Variants in RBL2 observed in about 807,000 individuals in gnomAD.
RBL2 encodes RB transcriptional corepressor like 2.
Under a neutral mutation model 126.0 loss-of-function variants are expected in RBL2, and 56 were observed. The observed-to-expected ratio is 0.44, with a 90% confidence interval of 0.36 to 0.56. The LOEUF (loss-of-function observed/expected upper bound fraction) is 0.56. Ranked by LOEUF, RBL2 falls within the 20% of genes least tolerant of loss-of-function variation. The pLI is 0.00. For missense variants in RBL2, 1,229 were observed against 1,398.2 expected (o/e 0.88, Z 1.93); for synonymous variants, 454 against 478.5 (o/e 0.95, Z 0.67).
At chr16:53,465,739 G>GT in intron 13 of RBL2, 137 bp downstream of exon 13, 1 of 630,412 alleles carries the variant, frequency 1.6e-6, no homozygotes, top group South Asian at 4.5e-5. Context: ...ATCTTGGACT[G>GT]TAACGTCCCT....
chr16:53,435,676 C>G, intron 1 of RBL2: 3 of 1,288,952 alleles, frequency 2.3e-6, no homozygotes, highest in Non-Finnish European at 3.0e-6. Context: ...TTTGATTTCT[C>G]AAGTCGTTTT....
intron 13 of RBL2, among the ~76,000 whole-genome samples, chr16:53,466,291 A>C (rs1157931541): frequency 1.3e-5 from 2 of 152,156 alleles, no homozygotes; most frequent in Non-Finnish European, 1.5e-5. Context: ...GCAGTGGTCC[A>C]ACCTTTTTGG....
At chr16:53,482,236 A>G (rs1191569430) in intron 21 of RBL2, among the ~76,000 whole-genome samples, 2 of 152,186 alleles carry the variant, frequency 1.3e-5, no homozygotes, top group Admixed American at 6.5e-5. Context: ...AGAAGTTGAC[A>G]TTTTTGACAT....
intron 1 of RBL2, among the ~76,000 whole-genome samples, chr16:53,437,508 T>A (rs1199458939): frequency 6.6e-6 from 1 of 152,216 alleles, no homozygotes; most frequent in Admixed American, 6.5e-5. Context: ...TTGTATCACT[T>A]CTTGAGTAAA....
chr16:53,442,086 C>G (rs915761666), intron 2 of RBL2, among the ~76,000 whole-genome samples: 6 of 152,084 alleles, frequency 3.9e-5, no homozygotes, highest in Non-Finnish European at 7.3e-5. Context: ...TCCCAAAGTG[C>G]TGGGATTACA....
intron 2 of RBL2, among the ~76,000 whole-genome samples, chr16:53,441,593 G>A (rs1178551359): frequency 6.6e-6 from 1 of 152,102 alleles, no homozygotes; most frequent in Non-Finnish European, 1.5e-5. Flanking sequence ...TATTGAGTGT[G>A]AAAAAGCAAG....
intron 19 of RBL2, 35 bp from the exon 20 acceptor site, chr16:53,480,532 C>T: frequency 1.9e-6 from 3 of 1,581,086 alleles, no homozygotes; most frequent in East Asian, 2.2e-5. Flanking sequence ...TATTAGCAGC[C>T]TTTGTACTGA....
chr16:53,486,597 A>G (rs1266770745), intron 21 of RBL2, among the ~76,000 whole-genome samples: 1 of 152,244 alleles, frequency 6.6e-6, no homozygotes, highest in Non-Finnish European at 1.5e-5. Context: ...TCCAACATTC[A>G]TTAATGTAAA....
chr16:53,435,663 C>A, intron 1 of RBL2: 1 of 1,288,624 alleles, frequency 7.8e-7, no homozygotes, highest in African/African-American at 1.5e-5. Flanking sequence ...AAACCTGAGG[C>A]CATTTGATTT....
At chr16:53,479,650 T>C in intron 18 of RBL2, 1 of 475,552 alleles carries the variant, frequency 2.1e-6, no homozygotes, top group Non-Finnish European at 3.7e-6. Context: ...GACATTATGG[T>C]TGGGTGCTGT....
chr16:53,480,563 G>T lies in RBL2; in HGVS notation c.2882-4G>T. On this transcript the variant is annotated splice_polypyrimidine_tract_variant and splice_region_variant and intron_variant, in intron 19 of 21. Transcript: ENST00000262133. The stretch of plus-strand genomic sequence containing the variant: ...ACTGACAGCCTTTGTTCTCCTGGCT[G>T]CAGCCAGTAGAGACTCCAGTCCAGT... 1 of 1,608,568 alleles carries T rather than the reference G, an allele frequency of 6.2e-7. No individual in the cohort carries two copies. Among genetic ancestry groups the T allele is most frequent in the Non-Finnish European group, 8.5e-7 (1 of 1,177,522 alleles).
At chr16:53,464,142 G>T in intron 11 of RBL2, 84 bp from the exon 12 acceptor site, 5 of 1,134,588 alleles carry the variant, frequency 4.4e-6, no homozygotes, top group Non-Finnish European at 4.8e-6. Flanking sequence ...GACTTTCTTT[G>T]GTATTTTCAC....
intron 21 of RBL2, among the ~76,000 whole-genome samples, chr16:53,482,702 C>G (rs972707291): frequency 6.6e-6 from 1 of 150,884 alleles, no homozygotes; most frequent in African/African-American, 2.4e-5. Flanking sequence ...CCCAGCTACT[C>G]GGGAGGCTAA....
chr16:53,447,301 T>TTCTCTTAC (rs200773123), intron 4 of RBL2, among the ~76,000 whole-genome samples, 195 bp downstream of exon 4: 181 of 106,618 alleles, frequency 1.7e-3, no homozygotes, highest in Admixed American at 4.4e-3. Context: ...TATCCAAATC[T>TTCTCTTAC]TCTCTTATTA....
intron 3 of RBL2, among the ~76,000 whole-genome samples, chr16:53,444,419 G>A (rs2058043305): frequency 6.6e-6 from 1 of 152,024 alleles, no homozygotes; most frequent in Non-Finnish European, 1.5e-5. Flanking sequence ...GGGGTGTGGT[G>A]GTGGGTGCCT....
intron 12 of RBL2, chr16:53,464,660 A>G (rs1388882277): frequency 8.8e-6 from 2 of 227,194 alleles, no homozygotes; most frequent in African/African-American, 2.3e-5. Context: ...CACACATGTC[A>G]CTAGCTAATC....
chr16:53,490,167 A>C lies in RBL2; in HGVS notation c.3287A>C (p.Glu1096Ala). ...REINSMIRTG[E>A]TPTKKRGILL... ...ATTAATAGTATGATACGCACAGGAG[A>C]AACTCCTACTAAAAAGAGAGGAATT... The change falls in exon 22 of 22, where the codon GAA (glutamate) becomes GCA (alanine). Residue 1096 changes from glutamate (E) to alanine (A), a missense_variant. Transcript: ENST00000262133. The C allele has an allele frequency of 6.2e-7, 1 of 1,611,532 alleles. No homozygotes were observed. Among genetic ancestry groups the C allele is most frequent in the South Asian group, 1.1e-5 (1 of 90,620 alleles).
rs773650682 is a variant in RBL2, at chr16:53,480,974, C to T, written c.3084+205C>T. Reference sequence around the variant, plus strand: ...AGGAGTTCAAGACCAGCCTGGCCAACGTGGTAAAACCCAGTCTCTACTAAA... The same window carrying T: ...AGGAGTTCAAGACCAGCCTGGCCAATGTGGTAAAACCCAGTCTCTACTAAA... On this transcript the variant is annotated intron_variant, in intron 20 of 21. Coordinates refer to ENST00000262133, the MANE Select transcript of RBL2 (RefSeq NM_005611.4). The T allele has an allele frequency of 5.4e-5, 24 of 444,564 alleles. 1 individual carries two copies. Among genetic ancestry groups the T allele is most frequent in the South Asian group, 3.5e-4 (13 of 37,546 alleles). The allele number at this position is 444,564 out of a possible 1,614,324, so 27.5% of individuals were successfully genotyped here.
At chr16:53,489,870 G>A in intron 21 of RBL2, 1 of 300,832 alleles carries the variant, frequency 3.3e-6, no homozygotes. Flanking sequence ...TTATAGACAT[G>A]TATAATTGAC....
Sources: gnomAD v4.1 joint callset for allele counts (sites outside exome capture counted in the v4.1 genomes callset) on GRCh38, gnomAD v4.1.1 for gene constraint, MANE v1.5 for transcripts, NCBI Gene and HGNC (gene_info 2026-07-23, HGNC 2026-07-21) for gene names.